The following STAB1 variants were observed in gnomAD, a reference collection of about 807,000 sequenced individuals.
STAB1 encodes stabilin-1.
Under a neutral mutation model 332.4 loss-of-function variants are expected in STAB1, and 250 were observed. That is an observed-to-expected ratio of 0.75 (90% confidence interval 0.68 to 0.84). STAB1 has a LOEUF of 0.84. Ranked by LOEUF, STAB1 falls within the 40% of genes least tolerant of loss-of-function variation. STAB1 has a pLI of 0.00. For missense variants in STAB1, 3,249 were observed against 3,489.7 expected, an observed-to-expected ratio of 0.93 and a Z score of 1.74; for synonymous variants, 1,475 against 1,390.4, an observed-to-expected ratio of 1.06 and a Z score of -1.35.
rs140792658 is a variant in STAB1 at position 52,517,746 on chromosome 3, C to T, written c.4638+122C>T. ...TCTGCAGGGTGGGCTATCCTCCCGT[C>T]AAGCTCGAGTTTAATCAGTAGCAAA... On this transcript the variant is annotated intron_variant, in intron 44 of 68. Coordinates refer to ENST00000321725, the MANE Select transcript of STAB1 (RefSeq NM_015136.3). 2.3e-4 allele frequency: 356 copies of T among 1,558,324 alleles called. No homozygotes were observed. In the African/African-American group the frequency reaches 3.9e-3, roughly 17 times the overall value.
chr3:52,519,267 A>G lies in STAB1; in HGVS notation c.5038A>G (p.Ser1680Gly), dbSNP rs771591217. ...CAGCCCCGTGCCCCGCCCCCAGGGC[A>G]GCATATACCTCAATGACTTCGCGCG... ...HPLRFSEREG[S>G]IYLNDFARVV... The change falls in exon 49 of 69, where the codon AGC becomes GGC. Residue 1680 changes from serine (S) to glycine (G), a missense_variant. Coordinates refer to ENST00000321725, the MANE Select transcript of STAB1 (RefSeq NM_015136.3). The G allele has an allele frequency of 6.2e-7, 1 of 1,612,008 alleles. No homozygotes were observed. Among genetic ancestry groups the G allele is most frequent in the Non-Finnish European group, 8.5e-7 (1 of 1,179,422 alleles).
At chr3:52,501,490 G>A in intron 2 of STAB1, 148 bp from the exon 3 acceptor site, 2 of 1,082,134 alleles carry the variant, frequency 1.8e-6, no homozygotes, top group Non-Finnish European at 2.7e-6. Flanking sequence ...GGTTTATGGG[G>A]CACCTGCTAT....
In STAB1 at chr3:52,513,117, T is replaced by C; in HGVS notation, c.3159-13T>C. 1 of 1,557,960 alleles carries C rather than the reference T, an allele frequency of 6.4e-7. No individual in the cohort carries two copies. The highest frequency in any genetic ancestry group is 8.7e-7 in the Non-Finnish European group (1 of 1,150,458). On this transcript the variant is annotated splice_polypyrimidine_tract_variant and intron_variant, in intron 29 of 68. Coordinates refer to ENST00000321725, the MANE Select transcript of STAB1 (RefSeq NM_015136.3). Reference sequence around the variant, plus strand: ...ACCTGATTCCATGACCCCCCTAAACTGTGCCCTGTCAGGGCCCATTTTCTC... The same window carrying C: ...ACCTGATTCCATGACCCCCCTAAACCGTGCCCTGTCAGGGCCCATTTTCTC...
At chr3:52,521,289 G>A in intron 55 of STAB1, 72 bp from the exon 56 acceptor site, 1 of 1,596,930 alleles carries the variant, frequency 6.3e-7, no homozygotes, top group South Asian at 1.1e-5. Flanking sequence ...GCAGGGCTAG[G>A]CTGGAGGTAC....
chr3:52,523,859 G>A lies in STAB1; in HGVS notation c.7396-12G>A, dbSNP rs1346186262. ...CTCCCGCCAGGTCAACACTCTCCCT[G>A]TTTGTTTGTAGCAGGCAGTGCTGGC... On this transcript the variant is annotated splice_polypyrimidine_tract_variant and intron_variant, in intron 66 of 68. Coordinates refer to ENST00000321725, the MANE Select transcript of STAB1 (RefSeq NM_015136.3). 1.3e-6 allele frequency: 2 copies of A among 1,594,162 alleles called. No homozygotes were observed. The highest frequency in any genetic ancestry group is 1.7e-6 in the Non-Finnish European group (2 of 1,170,032).
In STAB1 at chr3:52,522,325, C is replaced by G. The variant is rs1223183520; in HGVS notation, c.6466-5C>G. ...AAGGGCGCCCACTGCTCTCTCCAAC[C>G]CCAGAACACACGGCGCTGTGAGTGC... On this transcript the variant is annotated splice_region_variant and splice_polypyrimidine_tract_variant and intron_variant, in intron 59 of 68. Coordinates refer to ENST00000321725, the MANE Select transcript of STAB1 (RefSeq NM_015136.3). 1.2e-6 allele frequency: 2 copies of G among 1,612,762 alleles called. No individual in the cohort carries two copies. Among genetic ancestry groups the G allele is most frequent in the East Asian group, 2.2e-5 (1 of 44,874 alleles).
chr3:52,513,362 C>A, intron 30 of STAB1, 121 bp downstream of exon 30: 1 of 958,010 alleles, frequency 1.0e-6, no homozygotes, highest in Non-Finnish European at 1.5e-6. Context: ...CCTCGCCCTG[C>A]CCAGAGCCGG....
Position 52,516,213 on chromosome 3 carries a change from C to T in STAB1, c.4119C>T (p.Gly1373=), listed in dbSNP as rs1356770276. Residue 1373 remains glycine, a synonymous_variant, in exon 38 of 69, where the codon GGC becomes GGT. Coordinates refer to ENST00000321725, the MANE Select transcript of STAB1 (RefSeq NM_015136.3). ...CGGCCTGTGAGGTGTGTGAGCTGGG[C>T]CGCTACGGGCCCAACTGCACCGGAG... is the stretch of plus-strand genomic sequence containing the variant. The part of the protein sequence containing the change: ...HGTACEVCEL[G]RYGPNCTGVC... 3.7e-6 allele frequency: 6 copies of T among 1,612,060 alleles called. No individual in the cohort carries two copies. In the African/African-American group the frequency reaches 4.0e-5, roughly 11 times the overall value.
intron 41 of STAB1, 77 bp downstream of exon 41, chr3:52,516,845 C>T: frequency 6.3e-7 from 1 of 1,594,608 alleles, no homozygotes. Context: ...TTCACTTCCT[C>T]TAGGCCCAGC....
At chr3:52,503,581 C>G (rs1708614869) in intron 8 of STAB1, 41 bp downstream of exon 8, 1 of 1,599,754 alleles carries the variant, frequency 6.3e-7, no homozygotes, top group Admixed American at 1.7e-5. Flanking sequence ...CCACAGTGCA[C>G]CCAAACACTG....
At chr3:52,513,686 C>T (rs1423818488) in intron 30 of STAB1, 31 bp from the exon 31 acceptor site, 6 of 1,605,056 alleles carry the variant, frequency 3.7e-6, no homozygotes, top group Non-Finnish European at 5.1e-6. Flanking sequence ...TCTGTGCCCA[C>T]CTGTGGCTAA....
intron 38 of STAB1, 22 bp downstream of exon 38, chr3:52,516,260 G>T: frequency 1.2e-6 from 2 of 1,606,330 alleles, no homozygotes; most frequent in South Asian, 1.1e-5. Flanking sequence ...GGAGGGGCGG[G>T]GGTGGGCCTC....
At chr3:52,514,091 C>G in intron 32 of STAB1, 24 bp from the exon 33 acceptor site, 1 of 1,611,746 alleles carries the variant, frequency 6.2e-7, no homozygotes, top group Non-Finnish European at 8.5e-7. Flanking sequence ...ATATGCCCAT[C>G]CCTGACCTCC....
At chr3:52,509,782 A>G (rs1575326290) in intron 22 of STAB1, 88 bp from the exon 23 acceptor site, 2 of 1,452,050 alleles carry the variant, frequency 1.4e-6, no homozygotes, top group Admixed American at 1.8e-5. Flanking sequence ...TGGCTGCCCC[A>G]CTCCCTATAT....
At chr3:52,501,052 CT>C (rs1004165605) in intron 1 of STAB1, 113 bp from the exon 2 acceptor site, 1 of 1,451,702 alleles carries the variant, frequency 6.9e-7, no homozygotes, top group Non-Finnish European at 9.4e-7. Context: ...ACTCTGACCC[CT>C]GAGCAGATGG....
chr3:52,517,917 A>T lies in STAB1; in HGVS notation c.4675A>T (p.Ser1559Cys). ...GGCSPYATCKSTGDGQRTCTC... is the reference protein window; with the variant it reads ...GGCSPYATCKCTGDGQRTCTC... ...ATGCAGCCCATATGCCACCTGCAAA[A>T]GCACAGGGGATGGCCAGAGGACATG... Residue 1559 changes from serine to cysteine, a missense_variant, in exon 45 of 69, where the codon AGC becomes TGC. Coordinates refer to ENST00000321725, the MANE Select transcript of STAB1 (RefSeq NM_015136.3). The T allele has an allele frequency of 6.2e-7, 1 of 1,611,724 alleles. No homozygotes were observed. Among genetic ancestry groups the T allele is most frequent in the Non-Finnish European group, 8.5e-7 (1 of 1,179,632 alleles).
At chr3:52,519,120 C>T in intron 48 of STAB1, 144 bp from the exon 49 acceptor site, 2 of 1,147,696 alleles carry the variant, frequency 1.7e-6, no homozygotes, top group Admixed American at 4.3e-5. Flanking sequence ...CCGCCCCAGA[C>T]CCCGCCCACC....
intron 10 of STAB1, 131 bp downstream of exon 10, chr3:52,504,286 G>A (rs1708679648): frequency 1.4e-6 from 2 of 1,463,268 alleles, no homozygotes; most frequent in Non-Finnish European, 1.8e-6. Context: ...TGGCTGTGGG[G>A]GGTGCATGCA....
intron 9 of STAB1, 26 bp from the exon 10 acceptor site, chr3:52,504,002 C>G: frequency 1.2e-6 from 2 of 1,609,018 alleles, no homozygotes; most frequent in Non-Finnish European, 1.7e-6. Context: ...AGCCTCCGCC[C>G]TGACTGGCTC....
Sources: allele counts gnomAD v4.1 joint callset, GRCh38; gene constraint gnomAD v4.1.1; transcripts MANE v1.5; gene names NCBI Gene and HGNC (gene_info 2026-07-23, HGNC 2026-07-21).